PKHD1L1: variants seen among roughly 807,000 people sequenced by gnomAD.
PKHD1L1 encodes PKHD1 like 1, also known as fibrocystin-L.
In PKHD1L1, 434 loss-of-function variants were observed where a neutral mutation model predicts 462.9. The ratio of observed to expected loss-of-function variants is 0.94; its 90% CI spans 0.87 to 1.02. The LOEUF is 1.02. Ranked by LOEUF, PKHD1L1 falls within the 50% of genes least tolerant of loss-of-function variation. PKHD1L1 has a pLI of 0.00. For synonymous variants in PKHD1L1, 1,781 were observed against 1,750.0 expected, an observed-to-expected ratio of 1.02 and a Z score of -0.44; for missense variants, 5,202 against 5,096.1, an observed-to-expected ratio of 1.02 and a Z score of -0.63.
At chr8:109,491,668 T>G (rs1463712389) in intron 61 of PKHD1L1, among the ~76,000 whole-genome samples, 1 of 151,874 alleles carries the variant, frequency 6.6e-6, no homozygotes, top group African/African-American at 2.4e-5. Flanking sequence ...CCCAGAAGAT[T>G]CTAATTCAGG....
chr8:109,390,124 T>A (rs1812643451), intron 8 of PKHD1L1, among the ~76,000 whole-genome samples: 1 of 152,180 alleles, frequency 6.6e-6, no homozygotes, highest in Admixed American at 6.5e-5. Context: ...TAGCAGAGTG[T>A]CTGAACAGTT....
At position 109,483,515 on chromosome 8, in the gene PKHD1L1, ATTATT is replaced by A. The variant is rs1400729192; in HGVS notation, c.9576+415_9576+419del. On this transcript the variant is annotated intron_variant, in intron 57 of 77. Transcript: ENST00000378402. Reference sequence around the variant, plus strand: ...TATGTACATAATATAAATTAGTCATATTATTTTATATTAATATATATGTAAGTCAT... The same window carrying A: ...TATGTACATAATATAAATTAGTCATATTATATTAATATATATGTAAGTCAT... Among the ~76,000 whole-genome samples the A allele has an allele frequency of 5.2e-5, 7 of 134,590 alleles. No homozygotes were observed. The South Asian group carries it at 1.9e-3, about 37-fold the overall frequency. 88.3% of individuals were successfully genotyped at this position (134,590 alleles called of 152,430 possible). A position where few individuals can be genotyped will look rare whatever the true frequency, so the allele number is the denominator to read the frequency against.
rs1291336198 is a variant in PKHD1L1 at position 109,533,847 on chromosome 8, A to G, written c.*3757A>G. Among the ~76,000 whole-genome samples the G allele has an allele frequency of 1.3e-5, 2 of 152,216 alleles. No homozygotes were observed. Among genetic ancestry groups the G allele is most frequent in the African/African-American group, 4.8e-5 (2 of 41,448 alleles). ...AGGTAAGAAAAGACTAAGATGGTGG[A>G]CAATTTTATGGCTTTTACAATGTCC... On this transcript the variant is annotated 3_prime_UTR_variant, in exon 78 of 78. Coordinates refer to ENST00000378402, the MANE Select transcript of PKHD1L1 (RefSeq NM_177531.6).
At chr8:109,374,610 A>T (rs192361572) in intron 2 of PKHD1L1, among the ~76,000 whole-genome samples, 18 of 152,090 alleles carry the variant, frequency 1.2e-4, no homozygotes, top group African/African-American at 4.3e-4. Context: ...GGTCTTTACA[A>T]TTTGGCATGT....
At chr8:109,412,109 G>A (rs1813887351) in intron 19 of PKHD1L1, among the ~76,000 whole-genome samples, 156 bp from the exon 20 acceptor site, 1 of 152,160 alleles carries the variant, frequency 6.6e-6, no homozygotes, top group Non-Finnish European at 1.5e-5. Flanking sequence ...CCGAATGAGA[G>A]CTTTAGATTT....
In PKHD1L1 at chr8:109,533,405, G is replaced by A. The variant is rs915650948; in HGVS notation, c.*3315G>A. 1.3e-5 allele frequency among the ~76,000 whole-genome samples: 2 copies of A among 152,196 alleles called. No individual in the cohort carries two copies. The highest frequency in any genetic ancestry group is 3.8e-4 in the East Asian group (2 of 5,200). On this transcript the variant is annotated 3_prime_UTR_variant, in exon 78 of 78. Coordinates refer to ENST00000378402, the MANE Select transcript of PKHD1L1 (RefSeq NM_177531.6). Reference sequence around the variant, plus strand: ...CTATATCATGTCAATCCCTGGCCCAGTAAACCATTAGGCTTCTTATTACAC... The same window carrying A: ...CTATATCATGTCAATCCCTGGCCCAATAAACCATTAGGCTTCTTATTACAC...
At chr8:109,468,876 G>T (rs779390079) in intron 50 of PKHD1L1, among the ~76,000 whole-genome samples, 93 of 152,290 alleles carry the variant, frequency 6.1e-4, no homozygotes, top group Non-Finnish European at 1.2e-3. Context: ...AATTGGCTTG[G>T]ATCTAGAAAA....
chr8:109,506,072 A>G (rs1819674006), intron 68 of PKHD1L1, among the ~76,000 whole-genome samples: 1 of 152,186 alleles, frequency 6.6e-6, no homozygotes, highest in Non-Finnish European at 1.5e-5. Flanking sequence ...ATTAGCTCTT[A>G]TTTAGTTGTC....
Position 109,518,459 on chromosome 8 carries a change from A to T in PKHD1L1, c.11982A>T (p.Glu3994Asp). The change falls in exon 73 of 78, where the codon GAA becomes GAT. Residue 3994 changes from glutamate to aspartate, a missense_variant. Transcript: ENST00000378402. ...RRKRSMGFII[E>D]IEIGDPPIQF... Reference sequence around the variant, plus strand: ...AGAGATCCATGGGATTCATAATTGAAATAGAGATTGGAGACCCTCCTATTC... The same window carrying T: ...AGAGATCCATGGGATTCATAATTGATATAGAGATTGGAGACCCTCCTATTC... 6.2e-7 allele frequency: 1 copy of T among 1,608,740 alleles called. No homozygotes were observed. The highest frequency in any genetic ancestry group is 8.5e-7 in the Non-Finnish European group (1 of 1,179,492).
At position 109,420,570 on chromosome 8, in the gene PKHD1L1, G is replaced by T. The variant is rs773797176; in HGVS notation, c.2577G>T (p.Glu859Asp). 2 of 1,608,992 alleles carry T rather than the reference G, an allele frequency of 1.2e-6. No individual in the cohort carries two copies. Among genetic ancestry groups the T allele is most frequent in the Non-Finnish European group, 8.5e-7 (1 of 1,177,870 alleles). ...PALANKGIFL[E>D]HFQVNQTKTN... ...TAGCAAATAAAGGAATATTCTTAGA[G>T]CACTTTCAGGTGAATCAGACCAAAA... is the stretch of plus-strand genomic sequence containing the variant. Residue 859 changes from glutamate (E) to aspartate (D), a missense_variant, in exon 23 of 78, where the codon GAG (glutamate) becomes GAT (aspartate). Glu to Asp is a conservative substitution (Grantham distance 45). Around this residue, in one of 3 missense-constraint regions of PKHD1L1, gnomAD observed 4,497 missense variants for 4,336.8 expected, o/e 1.04. Coordinates refer to ENST00000378402, the MANE Select transcript of PKHD1L1 (RefSeq NM_177531.6).
intron 23 of PKHD1L1, among the ~76,000 whole-genome samples, chr8:109,423,654 C>CA (rs961482942): frequency 3.3e-5 from 5 of 152,070 alleles, no homozygotes; most frequent in Non-Finnish European, 7.4e-5. Context: ...TTTATGTCTA[C>CA]AAAAAAACCT....
At chr8:109,373,337 G>A (rs1328129614) in intron 2 of PKHD1L1, among the ~76,000 whole-genome samples, 1 of 152,172 alleles carries the variant, frequency 6.6e-6, no homozygotes, top group Admixed American at 6.5e-5. Context: ...ATTTCTGTGG[G>A]ATCTGTGGTG....
chr8:109,425,912 G>A (rs1814722409), intron 24 of PKHD1L1, among the ~76,000 whole-genome samples: 2 of 151,990 alleles, frequency 1.3e-5, no homozygotes, highest in South Asian at 4.1e-4. Flanking sequence ...ATTTTACCTG[G>A]TTTTGTTTTC....
At chr8:109,485,019 A>T in intron 57 of PKHD1L1, 25 bp from the exon 58 acceptor site, 1 of 1,555,874 alleles carries the variant, frequency 6.4e-7, no homozygotes, top group Non-Finnish European at 8.7e-7. Flanking sequence ...ATTGTTCTTA[A>T]ATTTGGCACT....
At chr8:109,396,712 G>A (rs1812997858) in intron 11 of PKHD1L1, among the ~76,000 whole-genome samples, 1 of 152,168 alleles carries the variant, frequency 6.6e-6, no homozygotes, top group African/African-American at 2.4e-5. Context: ...CTGTTCAGAG[G>A]TAGGGAGCTA....
rs185075853 is a variant in PKHD1L1 at position 109,381,272 on chromosome 8, T to C, written c.164-98T>C. The C allele has an allele frequency of 7.0e-4, 725 of 1,038,182 alleles. 1 individual carries two copies. Among genetic ancestry groups the C allele is most frequent in the Non-Finnish European group, 9.1e-4 (643 of 706,736 alleles). 64.3% of individuals were successfully genotyped at this position (1,038,182 alleles called of 1,614,324 possible). ...AGGTTCACTGCTTCAGTAATGTTTA[T>C]GAAATCATTTACTGCATGATTTGAT... is the stretch of plus-strand genomic sequence containing the variant. On this transcript the variant is annotated intron_variant, in intron 2 of 77. Transcript: ENST00000378402.
At chr8:109,376,663 T>G (rs1811853435) in intron 2 of PKHD1L1, among the ~76,000 whole-genome samples, 1 of 152,166 alleles carries the variant, frequency 6.6e-6, no homozygotes, top group Non-Finnish European at 1.5e-5. Context: ...TCTCAGGATT[T>G]TTGTGACAAA....
At chr8:109,417,697 G>A (rs777383631) in intron 21 of PKHD1L1, among the ~76,000 whole-genome samples, 6 of 151,944 alleles carry the variant, frequency 3.9e-5, no homozygotes, top group East Asian at 3.9e-4. Flanking sequence ...TTACAGGCGC[G>A]TGCCACCCCG....
intron 28 of PKHD1L1, 108 bp from the exon 29 acceptor site, chr8:109,435,082 T>C: frequency 8.7e-7 from 1 of 1,146,042 alleles, no homozygotes; most frequent in Non-Finnish European, 1.2e-6. Context: ...TGGATATACT[T>C]CGTGAGATCT....
Sources: allele counts gnomAD v4.1 joint callset (sites outside exome capture counted in the v4.1 genomes callset), GRCh38; gene constraint gnomAD v4.1.1; regional missense constraint gnomAD v4.1.1; transcripts MANE v1.5; gene names NCBI Gene and HGNC (gene_info 2026-07-23, HGNC 2026-07-21).